Variants in SEMA4D observed in about 807,000 individuals in gnomAD.
SEMA4D encodes the protein semaphorin-4D.
Under a neutral mutation model 74.8 loss-of-function variants are expected in SEMA4D, and 22 were observed. The ratio of observed to expected loss-of-function variants is 0.29; its 90% CI spans 0.21 to 0.42. The LOEUF (loss-of-function observed/expected upper bound fraction) is 0.42. Among genes scored for constraint, SEMA4D ranks in the 10% least tolerant of loss-of-function variants. The pLI is 1.00. For missense variants in SEMA4D, 937 were observed against 1,118.4 expected, an observed-to-expected ratio of 0.84 and a Z score of 2.31; for synonymous variants, 445 against 463.7, an observed-to-expected ratio of 0.96 and a Z score of 0.52.
intron 2 of SEMA4D, chr9:89,450,537 C>T (rs1587985501): frequency 9.0e-7 from 1 of 1,117,044 alleles, no homozygotes; most frequent in South Asian, 1.2e-5. Flanking sequence ...TCTGCTCCTG[C>T]CCAATGGCCC....
At chr9:89,371,941 G>GT (rs1834996929) in intron 16 of SEMA4D, among the ~76,000 whole-genome samples, 1 of 142,634 alleles carries the variant, frequency 7.0e-6, no homozygotes, top group Non-Finnish European at 1.5e-5. Flanking sequence ...TGTGGGGTGT[G>GT]GTGTGTGTGG....
downstream of SEMA4D, chr9:89,376,462 TATAA>T (rs535922888): frequency 3.7e-4 from 61 of 165,722 alleles, no homozygotes; most frequent in East Asian, 9.7e-3. Flanking sequence ...CGTGCATTTT[TATAA>T]ATAAAGTTTT....
intron 2 of SEMA4D, 32 bp from the exon 3 acceptor site, chr9:89,405,731 C>T (rs1162173512): frequency 7.2e-7 from 1 of 1,393,708 alleles, no homozygotes; most frequent in East Asian, 2.6e-5. Context: ...AAGGCAGGAC[C>T]CATGGTGAGT....
intron 2 of SEMA4D, among the ~76,000 whole-genome samples, chr9:89,433,593 G>A (rs1157104920): frequency 1.3e-5 from 2 of 152,170 alleles, no homozygotes; most frequent in Non-Finnish European, 2.9e-5. Flanking sequence ...TTGGCATTTC[G>A]CTTAACCCCC....
chr9:89,463,068 A>C (rs1857741493), intron 1 of SEMA4D, among the ~76,000 whole-genome samples: 1 of 149,496 alleles, frequency 6.7e-6, no homozygotes, highest in Non-Finnish European at 1.5e-5. Flanking sequence ...GTTCCTTTCT[A>C]CTCCTTAAGC....
chr9:89,404,217 C>T (rs1842792261), intron 3 of SEMA4D, among the ~76,000 whole-genome samples: 1 of 152,212 alleles, frequency 6.6e-6, no homozygotes, highest in African/African-American at 2.4e-5. Context: ...CTCAGCTGCA[C>T]GTAGGACGAG....
chr9:89,445,779 G>A (rs1339660490), intron 2 of SEMA4D, among the ~76,000 whole-genome samples: 1 of 152,136 alleles, frequency 6.6e-6, no homozygotes, highest in Non-Finnish European at 1.5e-5. Context: ...CAGATTGGGT[G>A]AGGCCAACTC....
At chr9:89,477,344 A>G (rs1862029504) in intron 1 of SEMA4D, among the ~76,000 whole-genome samples, 1 of 152,116 alleles carries the variant, frequency 6.6e-6, no homozygotes, top group Admixed American at 6.5e-5. Flanking sequence ...ACGGCCTACT[A>G]AAACACTGCC....
intron 2 of SEMA4D, among the ~76,000 whole-genome samples, chr9:89,438,999 T>TAAC (rs1554772040): frequency 1.3e-5 from 1 of 79,004 alleles, no homozygotes; most frequent in East Asian, 3.5e-4. Context: ...TTTTTTTTTT[T>TAAC]AACATGGAGT....
intron 2 of SEMA4D, among the ~76,000 whole-genome samples, chr9:89,411,826 C>T (rs994757068): frequency 2.0e-5 from 3 of 152,198 alleles, no homozygotes; most frequent in South Asian, 2.1e-4. Context: ...GGCTCAAACA[C>T]GCTGTAAAAA....
chr9:89,414,059 G>A (rs1383610729), intron 2 of SEMA4D, among the ~76,000 whole-genome samples: 2 of 152,214 alleles, frequency 1.3e-5, no homozygotes, highest in East Asian at 1.9e-4. Context: ...CCAGTCACCC[G>A]TGTCTCGGCT....
chr9:89,378,810 G>T lies in SEMA4D; in HGVS notation c.2483C>A (p.Thr828Lys). Residue 828 changes from threonine to lysine, a missense_variant, in exon 16 of 16, where the codon ACG becomes AAG. By Grantham distance (78) the Thr-to-Lys change is moderately conservative. Transcript: ENST00000422704. ...GATCCTCTGTGAGTCCTCCCTATCC[G>T]TGGGGACTTTGCTGGTGATGGTGTC... Reference protein sequence around the residue: ...EQDTITSKVPTDREDSQRIDD... With the variant: ...EQDTITSKVPKDREDSQRIDD... The T allele has an allele frequency of 6.2e-7, 1 of 1,614,206 alleles. No homozygotes were observed. Among genetic ancestry groups the T allele is most frequent in the Non-Finnish European group, 8.5e-7 (1 of 1,180,042 alleles).
intron 2 of SEMA4D, among the ~76,000 whole-genome samples, chr9:89,430,893 C>T (rs1193745903): frequency 2.0e-5 from 3 of 152,198 alleles, no homozygotes; most frequent in African/African-American, 7.2e-5. Context: ...AGGAGAATCG[C>T]TTGAACCCGG....
At position 89,378,990 on chromosome 9, in the gene SEMA4D, C is replaced by T. The variant is rs1239327606; in HGVS notation, c.2303G>A (p.Arg768His). The T allele has an allele frequency of 1.9e-6, 3 of 1,613,310 alleles. No individual in the cohort carries two copies. Among genetic ancestry groups the T allele is most frequent in the African/African-American group, 2.7e-5 (2 of 74,978 alleles). ...CTTCTTCCCAATTAGTAGGGCCGAG[C>T]GGAATTTCAAGCACTGTCTGGGCAG... ...GYLPRQCLKF[R>H]SALLIGKKKP... The change falls in exon 16 of 16, where the codon CGC becomes CAC. Residue 768 changes from arginine (R) to histidine (H), a missense_variant. Arg to His is a conservative substitution (Grantham distance 29, BLOSUM62 0). Coordinates refer to ENST00000422704, the MANE Select transcript of SEMA4D (RefSeq NM_001371194.2).
At chr9:89,365,213 G>GGGCCA (rs1588064214) in intron 16 of SEMA4D, 1 of 152,438 alleles carries the variant, frequency 6.6e-6, no homozygotes, top group Non-Finnish European at 1.5e-5. Flanking sequence ...TGAGCTGGGA[G>GGGCCA]GGCCAGGCCA....
At chr9:89,450,660 G>GGGAAAAAAAAAAAAAA (rs1491451024) in intron 2 of SEMA4D, 5 of 430,442 alleles carry the variant, frequency 1.2e-5, no homozygotes, top group African/African-American at 5.5e-5. Flanking sequence ...AAAAACCCAG[G>GGGAAAAAAAAAAAAAA]AAAAAAAAAA....
chr9:89,433,261 AACTG>A (rs1297922921), intron 2 of SEMA4D, among the ~76,000 whole-genome samples: 10 of 152,090 alleles, frequency 6.6e-5, no homozygotes, highest in Admixed American at 6.6e-4. Flanking sequence ...CCATGAGTGC[AACTG>A]CAGAGACAGC....
intron 2 of SEMA4D, among the ~76,000 whole-genome samples, chr9:89,441,854 C>A (rs1317899754): frequency 6.6e-6 from 1 of 152,198 alleles, no homozygotes; most frequent in African/African-American, 2.4e-5. Flanking sequence ...GGAAGTCCAG[C>A]AACTCCAGGC....
At chr9:89,477,236 T>C (rs1588155767) in intron 1 of SEMA4D, among the ~76,000 whole-genome samples, 2 of 151,512 alleles carry the variant, frequency 1.3e-5, no homozygotes, top group African/African-American at 2.4e-5. Context: ...CATGCATATA[T>C]GCACAAGGTA....
Sources: allele counts gnomAD v4.1 joint callset (sites outside exome capture counted in the v4.1 genomes callset), GRCh38; gene constraint gnomAD v4.1.1; transcripts MANE v1.5; gene names NCBI Gene and HGNC (gene_info 2026-07-23, HGNC 2026-07-21).